The following DPP10 variants were observed in gnomAD, a reference collection of about 807,000 sequenced individuals.
DPP10 encodes inactive dipeptidyl peptidase 10.
DPP10 carries 33 observed loss-of-function variants against 120.9 expected under a neutral mutation model. The observed-to-expected ratio is 0.27, with a 90% confidence interval of 0.21 to 0.37. The LOEUF (loss-of-function observed/expected upper bound fraction) is 0.37, where lower values mean the gene tolerates loss of function less well. Ranked by LOEUF, DPP10 falls within the 10% of genes least tolerant of loss-of-function variation. The pLI is 1.00. For synonymous variants in DPP10, 337 were observed against 326.1 expected, an observed-to-expected ratio of 1.03 and a Z score of -0.36; for missense variants, 816 against 942.8, an observed-to-expected ratio of 0.87 and a Z score of 1.76.
rs139905283 is a variant in DPP10 at position 115,381,154 on chromosome 2, A to G, written c.271+37242A>G. ...ATAATATCCTGCAGAGTATTTTCCA[A>G]CTTGGTTCCATTCTCCCCGTCACTT... On this transcript the variant is annotated intron_variant, in intron 3 of 25. Transcript: ENST00000410059. 5.7e-3 allele frequency among the ~76,000 whole-genome samples: 864 copies of G among 152,296 alleles called. 8 individuals carry two copies. Among genetic ancestry groups the G allele is most frequent in the African/African-American group, 0.02 (836 of 41,556 alleles).
chr2:115,689,563 G>A (rs2091193255), intron 5 of DPP10, 124 bp from the exon 6 acceptor site: 1 of 696,820 alleles, frequency 1.4e-6, no homozygotes, highest in African/African-American at 1.8e-5. Flanking sequence ...GAGCTAGAAT[G>A]TTTTATATTT....
intron 5 of DPP10, among the ~76,000 whole-genome samples, chr2:115,677,294 G>A (rs1559017398): frequency 6.6e-6 from 1 of 151,930 alleles, no homozygotes; most frequent in Non-Finnish European, 1.5e-5. Flanking sequence ...AAATAAAACA[G>A]AATCAAGTTA....
intron 1 of DPP10, among the ~76,000 whole-genome samples, chr2:115,300,925 G>T: frequency 6.6e-6 from 1 of 151,816 alleles, no homozygotes; most frequent in East Asian, 1.9e-4. Context: ...GTTGAAAATT[G>T]GGTGTCTGAA....
At chr2:114,544,336 A>G (rs2104824361) in intron 1 of DPP10, among the ~76,000 whole-genome samples, 1 of 152,350 alleles carries the variant, frequency 6.6e-6, no homozygotes, top group East Asian at 1.9e-4. Context: ...CAAGACATAG[A>G]AGCTTTTGTT....
intron 1 of DPP10, among the ~76,000 whole-genome samples, chr2:114,901,142 C>T (rs766094699): frequency 7.9e-5 from 12 of 152,010 alleles, no homozygotes; most frequent in Non-Finnish European, 1.5e-4. Context: ...GGAAAAAATG[C>T]CCCAAATAAG....
chr2:114,443,405 T>C (rs1198510355), intron 1 of DPP10, among the ~76,000 whole-genome samples: 1 of 152,138 alleles, frequency 6.6e-6, no homozygotes, highest in Non-Finnish European at 1.5e-5. Context: ...AGTGAGATGA[T>C]TGGAGACACT....
At position 115,385,500 on chromosome 2, in the gene DPP10, C is replaced by T. The variant is rs538423249; in HGVS notation, c.271+41588C>T. On this transcript the variant is annotated intron_variant, in intron 3 of 25. Transcript: ENST00000410059. ...CCTCCTGAGTAGCTGGGATTACAGGCGCCCGCCACCATGCTCGGCTAATTT... is the reference window on the plus strand; with the variant it reads ...CCTCCTGAGTAGCTGGGATTACAGGTGCCCGCCACCATGCTCGGCTAATTT... Among the ~76,000 whole-genome samples the T allele has an allele frequency of 1.4e-4, 21 of 152,146 alleles. No individual in the cohort carries two copies. In the East Asian group the frequency reaches 2.0e-3, roughly 14 times the overall value.
chr2:115,381,098 C>A (rs1574636680), intron 3 of DPP10, among the ~76,000 whole-genome samples: 1 of 152,278 alleles, frequency 6.6e-6, no homozygotes, highest in East Asian at 1.9e-4. Flanking sequence ...GAATGTTGGC[C>A]TGCCTTGCTA....
intron 1 of DPP10, among the ~76,000 whole-genome samples, chr2:115,232,201 C>T (rs1000978652): frequency 6.6e-5 from 10 of 152,100 alleles, no homozygotes; most frequent in African/African-American, 2.4e-4. Flanking sequence ...GTCTCTACTC[C>T]AGCATGACTG....
chr2:114,454,642 G>A (rs974419549), intron 1 of DPP10, among the ~76,000 whole-genome samples: 6 of 152,238 alleles, frequency 3.9e-5, no homozygotes, highest in African/African-American at 1.4e-4. Context: ...TTATCTGGCT[G>A]GTAGTTACTG....
At chr2:114,707,485 T>G (rs970693610) in intron 1 of DPP10, among the ~76,000 whole-genome samples, 10 of 152,228 alleles carry the variant, frequency 6.6e-5, no homozygotes, top group Admixed American at 3.3e-4. Flanking sequence ...TAAAAGTACA[T>G]ATTTGGGGAA....
chr2:114,603,379 A>G (rs567145066), intron 1 of DPP10, among the ~76,000 whole-genome samples: 68 of 152,224 alleles, frequency 4.5e-4, no homozygotes, highest in African/African-American at 1.6e-3. Context: ...ACCATCTATT[A>G]TGTGATCATG....
chr2:115,676,574 A>G (rs1308438572), intron 5 of DPP10, among the ~76,000 whole-genome samples: 2 of 152,174 alleles, frequency 1.3e-5, no homozygotes, highest in Non-Finnish European at 1.5e-5. Context: ...TGCTTCATCA[A>G]TAGACTAAAT....
chr2:115,395,504 C>T (rs1307309721), intron 3 of DPP10, among the ~76,000 whole-genome samples: 1 of 152,182 alleles, frequency 6.6e-6, no homozygotes, highest in African/African-American at 2.4e-5. Context: ...GAGCTTATTA[C>T]CAACTCAAAA....
At chr2:115,821,120 A>G (rs1418289657) in intron 21 of DPP10, among the ~76,000 whole-genome samples, 1 of 152,154 alleles carries the variant, frequency 6.6e-6, no homozygotes, top group African/African-American at 2.4e-5. Context: ...TGTTACATAT[A>G]TGTCCATTTA....
intron 1 of DPP10, among the ~76,000 whole-genome samples, chr2:115,114,070 A>T (rs975178497): frequency 6.6e-6 from 1 of 152,192 alleles, no homozygotes; most frequent in Non-Finnish European, 1.5e-5. Context: ...ACTTGCTGCA[A>T]TGCTAGGACT....
At chr2:115,411,199 G>C (rs1248636027) in intron 3 of DPP10, among the ~76,000 whole-genome samples, 1 of 152,002 alleles carries the variant, frequency 6.6e-6, no homozygotes, top group East Asian at 1.9e-4. Context: ...GGGCATGGTG[G>C]CGCATGCCTG....
chr2:115,309,016 C>T (rs991959914), intron 1 of DPP10, among the ~76,000 whole-genome samples: 1 of 151,998 alleles, frequency 6.6e-6, no homozygotes, highest in African/African-American at 2.4e-5. Context: ...GGACAGCAAG[C>T]ATAAAACGCT....
chr2:115,491,069 G>A (rs534506046), intron 3 of DPP10, among the ~76,000 whole-genome samples: 1 of 152,280 alleles, frequency 6.6e-6, no homozygotes, highest in African/African-American at 2.4e-5. Context: ...AGTGAGTCGA[G>A]ATCCCACCAC....
Sources: gnomAD v4.1 joint callset for allele counts (sites outside exome capture counted in the v4.1 genomes callset) on GRCh38, gnomAD v4.1.1 for gene constraint, MANE v1.5 for transcripts, NCBI Gene and HGNC (gene_info 2026-07-23, HGNC 2026-07-21) for gene names.